CYLC1: variants seen among roughly 807,000 people sequenced by gnomAD.
CYLC1 encodes the protein cylicin-1.
A neutral mutation model predicts 31.6 loss-of-function variants in CYLC1; 2 were observed. The observed-to-expected ratio is 0.06, with a 90% CI of 0.03 to 0.20. CYLC1 has a LOEUF of 0.20. Among genes scored for constraint, CYLC1 ranks in the 10% least tolerant of loss-of-function variants. The pLI, the probability that CYLC1 is intolerant of heterozygous loss-of-function variation, is 1.00. For synonymous variants in CYLC1, 185 were observed against 153.0 expected (o/e 1.21, Z -1.54); for missense variants, 595 against 424.1 (o/e 1.40, Z -3.54).
At chrX:83,862,552 G>T (rs1442540351) in intron 1 of CYLC1, among the ~76,000 whole-genome samples, 1 of 110,536 alleles carries the variant, frequency 9.0e-6, no homozygotes, top group Non-Finnish European at 1.9e-5. Context: ...CAAAAAAAAA[G>T]AAAAGAAAAG....
At chrX:83,883,379 A>G (rs1396528222) in intron 4 of CYLC1, among the ~76,000 whole-genome samples, 1 of 112,060 alleles carries the variant, frequency 8.9e-6, no homozygotes, top group Non-Finnish European at 1.9e-5. Flanking sequence ...AGAATTATCA[A>G]TCTTTATTAC....
rs191928176 is a variant in CYLC1, at chrX:83,871,514, C to T, written c.121C>T (p.Leu41Phe). 3 of 1,202,242 alleles carry T rather than the reference C, an allele frequency of 2.5e-6. No individual in the cohort carries two copies. Among genetic ancestry groups the T allele is most frequent in the East Asian group, 6.0e-5 (2 of 33,397 alleles). ...CTTTGCTTTGACATTTCCCAAACCA[C>T]TCCAGAGAGGTACAAATGATAAATC... is the stretch of plus-strand genomic sequence containing the variant. ...KHFALTFPKPLQRGTNDKSRP... is the reference protein window; with the variant it reads ...KHFALTFPKPFQRGTNDKSRP... The change falls in exon 3 of 5, where the codon CTC becomes TTC. Residue 41 changes from leucine to phenylalanine, a missense_variant. Leu to Phe is a conservative substitution (Grantham distance 22, BLOSUM62 0). Transcript: ENST00000329312.
At chrX:83,864,113 C>T (rs755879222) in intron 1 of CYLC1, among the ~76,000 whole-genome samples, 18 of 111,573 alleles carry the variant, frequency 1.6e-4, no homozygotes, top group African/African-American at 3.9e-4. Flanking sequence ...CTTATAAGAA[C>T]ACTAGTCACT....
At chrX:83,878,424 T>TATATATAA (rs1569336017) in intron 4 of CYLC1, among the ~76,000 whole-genome samples, 68 of 3,426 alleles carry the variant, frequency 0.02, 1 homozygote, top group Non-Finnish European at 0.032. Flanking sequence ...TATATATAAA[T>TATATATAA]ATATATATAA....
chrX:83,871,354 A>G, intron 2 of CYLC1, 98 bp from the exon 3 acceptor site: 1 of 532,476 alleles, frequency 1.9e-6, no homozygotes, highest in Non-Finnish European at 3.0e-6. Flanking sequence ...TGTATAACTT[A>G]GTTTAATTTA....
At chrX:83,870,767 A>G (rs1287401570) in intron 2 of CYLC1, among the ~76,000 whole-genome samples, 2 of 111,160 alleles carry the variant, frequency 1.8e-5, no homozygotes, top group South Asian at 7.4e-4. Context: ...TCCATCTCCA[A>G]GAGAGCTATG....
chrX:83,882,680 C>A (rs991941045), intron 4 of CYLC1, among the ~76,000 whole-genome samples: 1 of 110,706 alleles, frequency 9.0e-6, no homozygotes, highest in African/African-American at 3.3e-5. Context: ...TTTTCTATGG[C>A]TCAGTTATTA....
At chrX:83,867,080 T>C (rs1254163206) in intron 1 of CYLC1, among the ~76,000 whole-genome samples, 3 of 111,590 alleles carry the variant, frequency 2.7e-5, no homozygotes, top group African/African-American at 9.7e-5. Flanking sequence ...GCTGGAATTA[T>C]CTTTCACCCA....
At chrX:83,866,673 T>C (rs184026894) in intron 1 of CYLC1, among the ~76,000 whole-genome samples, 1 of 111,130 alleles carries the variant, frequency 9.0e-6, no homozygotes, top group East Asian at 2.9e-4. Context: ...ATATTTTATA[T>C]ATTTAGTCTA....
chrX:83,864,373 A>G (rs1286583972), intron 1 of CYLC1, among the ~76,000 whole-genome samples: 2 of 110,787 alleles, frequency 1.8e-5, no homozygotes, highest in Non-Finnish European at 3.8e-5. Flanking sequence ...TTGTCCCATC[A>G]GTGTTCAAAA....
chrX:83,870,442 G>C (rs187770927), intron 2 of CYLC1, among the ~76,000 whole-genome samples: 1 of 111,369 alleles, frequency 9.0e-6, no homozygotes, highest in Non-Finnish European at 1.9e-5. Flanking sequence ...AAGTACCTGT[G>C]TTCAAATCAA....
chrX:83,879,476 G>A (rs1043906859), intron 4 of CYLC1, among the ~76,000 whole-genome samples: 3 of 111,891 alleles, frequency 2.7e-5, no homozygotes, highest in Admixed American at 9.6e-5. Context: ...CATATAAGTC[G>A]TTAGACATAC....
chrX:83,879,897 C>T (rs1164851810), intron 4 of CYLC1, among the ~76,000 whole-genome samples: 1 of 111,781 alleles, frequency 8.9e-6, no homozygotes, highest in African/African-American at 3.3e-5. Flanking sequence ...GTTGTTACAG[C>T]TCCTCCTAAC....
At chrX:83,872,138 T>A (rs1411330033) in intron 3 of CYLC1, among the ~76,000 whole-genome samples, 1 of 111,277 alleles carries the variant, frequency 9.0e-6, no homozygotes, top group Non-Finnish European at 1.9e-5. Flanking sequence ...TCTCTTCAGG[T>A]CATCTTTTAA....
Position 83,872,718 on chromosome X carries a change from T to TACACAC in CYLC1, c.178-136_178-131dup, listed in dbSNP as rs61531587. 8.7e-3 allele frequency among the ~76,000 whole-genome samples: 804 copies of TACACAC among 92,031 alleles called. 8 individuals are homozygous for TACACAC. Among genetic ancestry groups the TACACAC allele is most frequent in the African/African-American group, 0.028 (695 of 24,437 alleles). 79.9% of individuals were successfully genotyped at this position (92,031 alleles called of 115,157 possible). On this transcript the variant is annotated intron_variant, in intron 3 of 4. Coordinates refer to ENST00000329312, the MANE Select transcript of CYLC1 (RefSeq NM_021118.3). The stretch of plus-strand genomic sequence containing the variant: ...TATATGTCTCTTTCTGTCTCTCTCT[T>TACACAC]ACACACACACACACACACACACACA...
intron 4 of CYLC1, 34 bp downstream of exon 4, chrX:83,874,665 A>G (rs1237254627): frequency 1.8e-6 from 2 of 1,122,018 alleles, no homozygotes; most frequent in African/African-American, 1.9e-5. Flanking sequence ...TTAGGCTGAA[A>G]TGGATATAAA....
intron 4 of CYLC1, among the ~76,000 whole-genome samples, chrX:83,882,705 T>C (rs1020017630): frequency 4.5e-5 from 5 of 110,844 alleles, no homozygotes; most frequent in Admixed American, 1.9e-4. Flanking sequence ...TCAACTCTTC[T>C]CTATATACTC....
rs1382931484 is a variant in CYLC1, at chrX:83,874,552, C to T, written c.1844C>T (p.Ser615Phe). The change falls in exon 4 of 5, where the codon TCT becomes TTT. Residue 615 changes from serine (S) to phenylalanine (F), a missense_variant. Ser to Phe is a radical substitution (Grantham distance 155, BLOSUM62 -2). Transcript: ENST00000329312. The stretch of plus-strand genomic sequence containing the variant: ...CCACCACTCCCTGCTTGTGAGCCTT[C>T]TCTACCATCACCAAAGGTCAGACGT... ...EKPPLPACEPSLPSPKVRRLC... is the reference protein window; with the variant it reads ...EKPPLPACEPFLPSPKVRRLC... 1 of 1,210,341 alleles carries T rather than the reference C, an allele frequency of 8.3e-7. No homozygotes were observed. Among genetic ancestry groups the T allele is most frequent in the Admixed American group, 2.2e-5 (1 of 45,768 alleles).
chrX:83,878,506 C>T (rs1210332718), intron 4 of CYLC1, among the ~76,000 whole-genome samples: 2 of 34,000 alleles, frequency 5.9e-5, no homozygotes, highest in African/African-American at 1.2e-4. Flanking sequence ...TATTTTCATA[C>T]ATGTCCACAG....
Sources: allele counts gnomAD v4.1 joint callset (sites outside exome capture counted in the v4.1 genomes callset), GRCh38; gene constraint gnomAD v4.1.1; transcripts MANE v1.5; gene names NCBI Gene and HGNC (gene_info 2026-07-23, HGNC 2026-07-21).